The following CFAP57 variants were observed in gnomAD, a reference collection of about 807,000 sequenced individuals.
CFAP57 encodes the protein cilia- and flagella-associated protein 57.
CFAP57 carries 116 observed loss-of-function variants against 146.8 expected under a neutral mutation model. The ratio of observed to expected loss-of-function variants is 0.79; its 90% CI spans 0.68 to 0.92. The LOEUF (loss-of-function observed/expected upper bound fraction) is 0.92. Ranked by LOEUF, CFAP57 falls within the 40% of genes least tolerant of loss-of-function variation. CFAP57 has a pLI of 0.00. For synonymous variants in CFAP57, 518 were observed against 552.8 expected, an observed-to-expected ratio of 0.94 and a Z score of 0.88; for missense variants, 1,377 against 1,527.2, an observed-to-expected ratio of 0.90 and a Z score of 1.64.
chr1:43,198,496 T>G lies in CFAP57; in HGVS notation c.1278T>G (p.Phe426Leu). 1 of 1,614,058 alleles carries G rather than the reference T, an allele frequency of 6.2e-7. No individual in the cohort carries two copies. The highest frequency in any genetic ancestry group is 8.5e-7 in the Non-Finnish European group (1 of 1,180,012). Residue 426 changes from phenylalanine to leucine, a missense_variant, in exon 8 of 23, where the codon TTT becomes TTG. By Grantham distance (22) the Phe-to-Leu change is conservative (BLOSUM62 0). Coordinates refer to ENST00000372492, the MANE Select transcript of CFAP57 (RefSeq NM_001378189.1). Reference protein sequence around the residue: ...WNYETNTLELFKEYQEEAYSI... With the variant: ...WNYETNTLELLKEYQEEAYSI... Reference sequence around the variant, plus strand: ...TTTTTCACAGCACCCTGGAACTATTTAAGGAATACCAAGAAGAGGCATATT... The same window carrying G: ...TTTTTCACAGCACCCTGGAACTATTGAAGGAATACCAAGAAGAGGCATATT...
chr1:43,197,513 T>A (rs1315590379), intron 6 of CFAP57, 40 bp from the exon 7 acceptor site: 2 of 1,614,214 alleles, frequency 1.2e-6, no homozygotes, highest in Non-Finnish European at 1.7e-6. Context: ...GCCAGCCTTT[T>A]GCTTACTCTG....
intron 2 of CFAP57, among the ~76,000 whole-genome samples, chr1:43,178,023 T>A (rs1441975599): frequency 1.3e-5 from 2 of 152,150 alleles, no homozygotes; most frequent in East Asian, 3.9e-4. Context: ...TCACAGGATA[T>A]CTATGTGAGA....
At chr1:43,231,845 C>T (rs533871398) in intron 18 of CFAP57, among the ~76,000 whole-genome samples, 2 of 152,310 alleles carry the variant, frequency 1.3e-5, no homozygotes, top group Non-Finnish European at 2.9e-5. Flanking sequence ...TGCACTCCAG[C>T]CTCGGCAACA....
At chr1:43,179,686 T>G (rs1463783765) in intron 2 of CFAP57, among the ~76,000 whole-genome samples, 3 of 152,186 alleles carry the variant, frequency 2.0e-5, no homozygotes, top group African/African-American at 7.2e-5. Context: ...ATCTGTATTT[T>G]CAGCCTCAAC....
At chr1:43,210,349 T>C in intron 11 of CFAP57, 1 of 1,350,920 alleles carries the variant, frequency 7.4e-7, no homozygotes, top group Non-Finnish European at 9.5e-7. Flanking sequence ...GAGTACACAT[T>C]TGTAAATTGT....
chr1:43,212,584 T>C (rs1174600950), intron 11 of CFAP57, among the ~76,000 whole-genome samples: 1 of 152,220 alleles, frequency 6.6e-6, no homozygotes, highest in Non-Finnish European at 1.5e-5. Flanking sequence ...TTTAAAAATA[T>C]ACAATATATT....
rs1471767108 is a variant in CFAP57, at chr1:43,206,793, G to A, written c.1616G>A (p.Trp539Ter). 2 of 1,614,106 alleles carry A rather than the reference G, an allele frequency of 1.2e-6. No homozygotes were observed. Among genetic ancestry groups the A allele is most frequent in the South Asian group, 1.1e-5 (1 of 91,068 alleles). Residue 539 changes from tryptophan to a stop codon, truncating the protein, a stop_gained, in exon 10 of 23, where the codon TGG (tryptophan) becomes TAG (stop). Coordinates refer to ENST00000372492, the MANE Select transcript of CFAP57 (RefSeq NM_001378189.1). LOFTEE classifies it high-confidence loss of function. The part of the protein sequence containing the change: ...SGGTDGAVYE[W>*]NLSTGKRETE... ...GGCACAGATGGTGCTGTGTATGAAT[G>A]GAATCTGTCCACAGGAAAGAGAGAG...
chr1:43,182,964 T>C (rs1211633564), intron 3 of CFAP57, among the ~76,000 whole-genome samples: 2 of 152,206 alleles, frequency 1.3e-5, no homozygotes, highest in South Asian at 2.1e-4. Context: ...AGAGACCAAG[T>C]AATACGCTTT....
chr1:43,207,077 C>G lies in CFAP57; in HGVS notation c.1755+145C>G, dbSNP rs1359452514. The G allele has an allele frequency of 7.6e-6, 6 of 786,802 alleles. No homozygotes were observed. The East Asian group carries it at 1.6e-4, about 21-fold the overall frequency. The allele number at this position is 786,802 out of a possible 1,614,324, so 48.7% of individuals were successfully genotyped here. A position where few individuals can be genotyped will look rare whatever the true frequency, so the allele number is the denominator to read the frequency against. On this transcript the variant is annotated intron_variant, in intron 10 of 22. Coordinates refer to ENST00000372492, the MANE Select transcript of CFAP57 (RefSeq NM_001378189.1). ...CAAGATAACATCAGGCTCCTCATTC[C>G]TTTTAGATTAGCTCAGTTATCGTCA...
At chr1:43,236,408 G>C (rs548866525) in intron 21 of CFAP57, among the ~76,000 whole-genome samples, 1 of 151,684 alleles carries the variant, frequency 6.6e-6, no homozygotes, top group Non-Finnish European at 1.5e-5. Flanking sequence ...GCCGACCCTG[G>C]TTTACCCTGC....
At chr1:43,204,195 T>A (rs1318575303) in intron 9 of CFAP57, among the ~76,000 whole-genome samples, 1 of 152,230 alleles carries the variant, frequency 6.6e-6, no homozygotes, top group Non-Finnish European at 1.5e-5. Flanking sequence ...ATTTCTGTTT[T>A]CTTATTATAT....
At chr1:43,209,942 C>T in intron 11 of CFAP57, 26 bp downstream of exon 11, 1 of 1,614,106 alleles carries the variant, frequency 6.2e-7, no homozygotes, top group Non-Finnish European at 8.5e-7. Context: ...TCCCCAGGAA[C>T]CCAGTCCCAC....
intron 10 of CFAP57, 35 bp downstream of exon 10, chr1:43,206,967 C>G (rs755431437): frequency 6.2e-7 from 1 of 1,601,700 alleles, no homozygotes; most frequent in East Asian, 2.2e-5. Flanking sequence ...TGGGCTGGTG[C>G]ACGGATCTGC....
chr1:43,248,843 CACA>C (rs1254252771), intron 22 of CFAP57, among the ~76,000 whole-genome samples: 1 of 150,874 alleles, frequency 6.6e-6, no homozygotes, highest in Non-Finnish European at 1.5e-5. Context: ...AGAACAATTC[CACA>C]ACTTTTAGAA....
rs1029020675 is a variant in CFAP57 at position 43,245,036 on chromosome 1, G to A, written c.3538+1677G>A. On this transcript the variant is annotated intron_variant, in intron 22 of 22. Coordinates refer to ENST00000372492, the MANE Select transcript of CFAP57 (RefSeq NM_001378189.1). ...TCTTAAAAAATGTTTCAGGCCAGGC[G>A]CCGTGGCTCACATCTGTAATCCCAG... Among the ~76,000 whole-genome samples the A allele has an allele frequency of 2.0e-5, 3 of 152,146 alleles. No individual in the cohort carries two copies. The East Asian group carries it at 5.8e-4, about 29-fold the overall frequency.
chr1:43,196,365 AT>A (rs1643870501), intron 6 of CFAP57: 1 of 153,272 alleles, frequency 6.5e-6, no homozygotes, highest in African/African-American at 2.4e-5. Flanking sequence ...AAGAATAACA[AT>A]AACCTGTGCC....
intron 16 of CFAP57, among the ~76,000 whole-genome samples, 182 bp downstream of exon 16, chr1:43,223,179 G>A (rs6679440): frequency 0.011 from 1,730 of 152,318 alleles, 38 homozygotes; most frequent in African/African-American, 0.04. Flanking sequence ...TCCCCACCTC[G>A]TCCTTGGAAA....
At chr1:43,217,779 G>A (rs540118073) in intron 12 of CFAP57, among the ~76,000 whole-genome samples, 2 of 152,016 alleles carry the variant, frequency 1.3e-5, no homozygotes, top group East Asian at 1.9e-4. Flanking sequence ...TCCGTGCTGC[G>A]TACCGCCATT....
rs187335935 is a variant in CFAP57 at position 43,223,912 on chromosome 1, A to C, written c.2707-134A>C. ...CAGATATTCACTCCTAAAATCCCAG[A>C]AATGTTGAATGCTAAGTGTTTTCAG... is the stretch of plus-strand genomic sequence containing the variant. On this transcript the variant is annotated intron_variant, in intron 16 of 22. Transcript: ENST00000372492. 9.8e-4 allele frequency: 1,057 copies of C among 1,075,788 alleles called. 19 individuals are homozygous for C. The highest frequency in any genetic ancestry group is 1.3e-4 in the Non-Finnish European group (96 of 766,804). The allele number at this position is 1,075,788 out of a possible 1,614,324, so 66.6% of individuals were successfully genotyped here.
Sources: gnomAD v4.1 joint callset for allele counts (sites outside exome capture counted in the v4.1 genomes callset) on GRCh38, gnomAD v4.1.1 for gene constraint, MANE v1.5 for transcripts, NCBI Gene and HGNC (gene_info 2026-07-23, HGNC 2026-07-21) for gene names.